The following MSANTD1 variants were observed in gnomAD, a reference collection of about 807,000 sequenced individuals.
MSANTD1 encodes Myb/SANT DNA binding domain containing 1.
In MSANTD1, 7 loss-of-function variants were observed where a neutral mutation model predicts 24.2. That is an observed-to-expected ratio of 0.29 (90% CI 0.16 to 0.54). The LOEUF is 0.54. Among genes scored for constraint, MSANTD1 ranks in the 20% least tolerant of loss-of-function variants. The probability of loss-of-function intolerance (pLI) is 0.94; values close to 1 mark genes in which losing one functional copy is unlikely to be tolerated. For synonymous variants in MSANTD1, 177 were observed against 181.1 expected (o/e 0.98, Z 0.18); for missense variants, 384 against 408.2 (o/e 0.94, Z 0.51).
At position 3,255,878 on chromosome 4, in the gene MSANTD1, G is replaced by T; in HGVS notation, c.750G>T (p.Gln250His). The change falls in exon 3 of 3, where the codon CAG becomes CAT. Residue 250 changes from glutamine (Q) to histidine (H), a missense_variant. Transcript: ENST00000438480. ...GCGAGGTGCGCCGCGTGCTGGACCA[G>T]CAGCACATCCTGCAGGTGCAGAGCC... is the stretch of plus-strand genomic sequence containing the variant. ...TCREVRRVLD[Q>H]QHILQVQSLQ... 3 of 1,545,730 alleles carry T rather than the reference G, an allele frequency of 1.9e-6. No individual in the cohort carries two copies. The highest frequency in any genetic ancestry group is 1.7e-6 in the Non-Finnish European group (2 of 1,146,320).
Position 3,253,477 on chromosome 4 carries a change from G to A in MSANTD1, c.591G>A (p.Lys197=). The stretch of plus-strand genomic sequence containing the variant: ...GCTCCTCCAGCTTACTGTCCCTTAA[G>A]TTCAGGTAGTGTGTCTGCTTGTCCT... ...SDSSSSLLSL[K]FRSEERPVKK... Residue 197 remains lysine (K), a synonymous_variant, in exon 2 of 3, where the codon AAG becomes AAA. Transcript: ENST00000438480. 6.5e-7 allele frequency: 1 copy of A among 1,546,032 alleles called. No individual in the cohort carries two copies. The highest frequency in any genetic ancestry group is 8.8e-7 in the Non-Finnish European group (1 of 1,140,030).
intron 2 of MSANTD1, among the ~76,000 whole-genome samples, chr4:3,255,233 C>CTT (rs555315961): frequency 1.3e-4 from 18 of 143,816 alleles, no homozygotes; most frequent in African/African-American, 4.3e-4. Context: ...CTTTCTTTTT[C>CTT]TTTTTTTTTT....
At chr4:3,252,994 A>G (rs79521705) in intron 1 of MSANTD1, among the ~76,000 whole-genome samples, 9,844 of 152,248 alleles carry the variant, frequency 0.065, 971 homozygotes, top group African/African-American at 0.21. Context: ...CCTTTTTAAC[A>G]TCTGAGCCCG....
intron 2 of MSANTD1, among the ~76,000 whole-genome samples, chr4:3,254,289 C>T (rs1415444417): frequency 6.6e-6 from 1 of 152,196 alleles, no homozygotes; most frequent in East Asian, 1.9e-4. Flanking sequence ...GTAGAGAAGG[C>T]GTCTCCGAGG....
At chr4:3,248,740 C>A (rs1378586240), upstream of MSANTD1, 1 of 153,728 alleles carries the variant, frequency 6.5e-6, no homozygotes, top group African/African-American at 2.4e-5. Context: ...AAGGCAGGGG[C>A]CTTCTGAGGG....
At chr4:3,246,619 A>C (rs112400003), upstream of MSANTD1, 4,703 of 691,516 alleles carry the variant, frequency 6.8e-3, 24 homozygotes, top group Non-Finnish European at 9.4e-3. Flanking sequence ...CTCTGGCCCT[A>C]GGAGACCCCG....
chr4:3,246,570 A>G (rs1578628864), upstream of MSANTD1: 1 of 643,000 alleles, frequency 1.6e-6, no homozygotes, highest in East Asian at 2.8e-5. Context: ...CCGAGGCCTG[A>G]CCTGCCCCTT....
chr4:3,253,247 G>A lies in MSANTD1; in HGVS notation c.361G>A (p.Asp121Asn), dbSNP rs1175161030. ...CMTDSESAPPDWPYYLAIDGI... is the reference protein window; with the variant it reads ...CMTDSESAPPNWPYYLAIDGI... The stretch of plus-strand genomic sequence containing the variant: ...GACAGATAGCGAGTCCGCCCCGCCC[G>A]ACTGGCCCTATTACCTAGCCATTGA... The change falls in exon 2 of 3, where the codon GAC becomes AAC. Residue 121 changes from aspartate (D) to asparagine (N), a missense_variant. Physicochemically the swap from Asp to Asn is conservative, Grantham distance 23. Coordinates refer to ENST00000438480, the MANE Select transcript of MSANTD1 (RefSeq NM_001042690.2). The A allele has an allele frequency of 6.3e-7, 1 of 1,592,034 alleles. No homozygotes were observed.
At chr4:3,254,636 C>T (rs1217811274) in intron 2 of MSANTD1, among the ~76,000 whole-genome samples, 1 of 152,210 alleles carries the variant, frequency 6.6e-6, no homozygotes, top group African/African-American at 2.4e-5. Context: ...AGCTCCCTGC[C>T]CTTCAGGGAG....
chr4:3,253,117 G>A lies in MSANTD1; in HGVS notation c.321-90G>A, dbSNP rs949246113. 4.6e-5 allele frequency: 62 copies of A among 1,340,094 alleles called. No homozygotes were observed. In the African/African-American group the frequency reaches 5.0e-4, roughly 11 times the overall value. 83.0% of individuals were successfully genotyped at this position (1,340,094 alleles called of 1,614,324 possible). ...GCCGAGAGCGGCTCCTGCCTGTGCCGGCGTGGCGCGCCCCTCTGCTGAGGC... is the reference window on the plus strand; with the variant it reads ...GCCGAGAGCGGCTCCTGCCTGTGCCAGCGTGGCGCGCCCCTCTGCTGAGGC... On this transcript the variant is annotated intron_variant, in intron 1 of 2. Coordinates refer to ENST00000438480, the MANE Select transcript of MSANTD1 (RefSeq NM_001042690.2).
At chr4:3,251,676 CT>C (rs1314006318) in intron 1 of MSANTD1, among the ~76,000 whole-genome samples, 14 of 142,058 alleles carry the variant, frequency 9.9e-5, no homozygotes, top group African/African-American at 1.3e-4. Flanking sequence ...AGAGGCTTTT[CT>C]TTTTTTTTTC....
At chr4:3,244,742 G>C (rs1721967316), upstream of MSANTD1, 1 of 152,296 alleles carries the variant, frequency 6.6e-6, no homozygotes, top group Non-Finnish European at 1.5e-5. Flanking sequence ...GTCAATGTTT[G>C]CTGAGGTCCC....
intron 2 of MSANTD1, 30 bp from the exon 3 acceptor site, chr4:3,255,695 G>C (rs924939064): frequency 1.3e-6 from 2 of 1,500,056 alleles, no homozygotes; most frequent in Admixed American, 2.1e-5. Flanking sequence ...TCTGTGGCCA[G>C]CACGTCCACA....
chr4:3,248,969 C>CCGCAGGGCCGGGAG, upstream of MSANTD1: 1 of 370,002 alleles, frequency 2.7e-6, no homozygotes, highest in Non-Finnish European at 4.8e-6. Flanking sequence ...GGGCCGGGAG[C>CCGCAGGGCCGGGAG]CGGGCCGCTG....
In MSANTD1 at chr4:3,253,266, C is replaced by A; in HGVS notation, c.380C>A (p.Ala127Asp). 6.2e-7 allele frequency: 1 copy of A among 1,606,034 alleles called. No individual in the cohort carries two copies. The highest frequency in any genetic ancestry group is 1.1e-5 in the South Asian group (1 of 89,590). ...CCGCCCGACTGGCCCTATTACCTAG[C>A]CATTGATGGGATTCTGGCCAAGGTC... is the stretch of plus-strand genomic sequence containing the variant. ...SAPPDWPYYL[A>D]IDGILAKVPE... The change falls in exon 2 of 3, where the codon GCC (alanine) becomes GAC (aspartate). Residue 127 changes from alanine to aspartate, a missense_variant. Physicochemically the swap from Ala to Asp is moderately radical, Grantham distance 126. Coordinates refer to ENST00000438480, the MANE Select transcript of MSANTD1 (RefSeq NM_001042690.2).
rs1234668216 is a variant in MSANTD1 at position 3,249,331 on chromosome 4, G to A, written c.109G>A (p.Ala37Thr). Residue 37 changes from alanine (A) to threonine (T), a missense_variant, in exon 1 of 3, where the codon GCG becomes ACG. Ala to Thr is a moderately conservative substitution (Grantham distance 58). Coordinates refer to ENST00000438480, the MANE Select transcript of MSANTD1 (RefSeq NM_001042690.2). ...EGPGYLVSPQ[A>T]EKHRRARNWT... ...GCCCGGCTACCTCGTGTCTCCCCAGGCGGAGAAGCACCGGCGGGCCCGCAA... is the reference window on the plus strand; with the variant it reads ...GCCCGGCTACCTCGTGTCTCCCCAGACGGAGAAGCACCGGCGGGCCCGCAA... The A allele has an allele frequency of 6.4e-7, 1 of 1,553,344 alleles. No individual in the cohort carries two copies. The highest frequency in any genetic ancestry group is 8.7e-7 in the Non-Finnish European group (1 of 1,147,812).
rs145484436 is a variant in MSANTD1, at chr4:3,253,354, C to A, written c.468C>A (p.Thr156=). The A allele has an allele frequency of 1.9e-6, 3 of 1,611,288 alleles. No homozygotes were observed. In the African/African-American group the frequency reaches 4.0e-5, roughly 21 times the overall value. ...SQPPGPSTSQ[T]EASLSPPAKS... The stretch of plus-strand genomic sequence containing the variant: ...CGCCGGGGCCCTCCACGTCCCAGAC[C>A]GAGGCGTCCCTGTCGCCGCCCGCTA... Residue 156 remains threonine (T), a synonymous_variant, in exon 2 of 3, where the codon ACC becomes ACA. Transcript: ENST00000438480.
chr4:3,253,611 C>A, intron 2 of MSANTD1, 129 bp downstream of exon 2: 2 of 994,108 alleles, frequency 2.0e-6, no homozygotes, highest in Non-Finnish European at 2.8e-6. Flanking sequence ...CTGCGGGCAG[C>A]GCCTCCAGGG....
At chr4:3,244,785 A>G (rs1020104045), upstream of MSANTD1, 11 of 152,256 alleles carry the variant, frequency 7.2e-5, no homozygotes, top group Non-Finnish European at 1.6e-4. Context: ...GGGGTCGTCC[A>G]CCCATTCTTT....
Sources: allele counts gnomAD v4.1 joint callset (sites outside exome capture counted in the v4.1 genomes callset), GRCh38; gene constraint gnomAD v4.1.1; transcripts MANE v1.5; gene names NCBI Gene and HGNC (gene_info 2026-07-23, HGNC 2026-07-21).